Variants in SFXN4 observed in about 807,000 individuals in gnomAD.
SFXN4 encodes sideroflexin 4.
Under a neutral mutation model 54.6 loss-of-function variants are expected in SFXN4, and 48 were observed. The ratio of observed to expected loss-of-function variants is 0.88; its 90% CI spans 0.70 to 1.12. SFXN4 has a LOEUF of 1.12. Among genes scored for constraint, SFXN4 ranks in the 50% most tolerant of loss-of-function variants. The pLI, the probability that SFXN4 is intolerant of heterozygous loss-of-function variation, is 0.00. For synonymous variants in SFXN4, 130 were observed against 145.5 expected, an observed-to-expected ratio of 0.89 and a Z score of 0.77; for missense variants, 383 against 409.2, an observed-to-expected ratio of 0.94 and a Z score of 0.55.
chr10:119,146,428 CGTGTGTGTGTGTGT>C (rs56031432), intron 12 of SFXN4, 75 bp from the exon 13 acceptor site: 10 of 559,546 alleles, frequency 1.8e-5, no homozygotes, highest in Middle Eastern at 3.0e-4. Context: ...TGAATCAGGG[CGTGTGTGTGTGTGT>C]GTGTGTGTGT....
chr10:119,141,072 A>T lies in SFXN4; in HGVS notation c.*170T>A. ...CTGTCTTCTCCAGCCAGCCTTAAAAACCCCAGAGACGCCAGCCTGGGAACG... is the reference window on the plus strand; with the variant it reads ...CTGTCTTCTCCAGCCAGCCTTAAAATCCCCAGAGACGCCAGCCTGGGAACG... On this transcript the variant is annotated 3_prime_UTR_variant, in exon 14 of 14. Transcript: ENST00000355697. 1 of 524,332 alleles carries T rather than the reference A, an allele frequency of 1.9e-6. No homozygotes were observed. The highest frequency in any genetic ancestry group is 2.9e-5 in the South Asian group (1 of 34,238). The allele number at this position is 524,332 out of a possible 1,614,324, so 32.5% of individuals were successfully genotyped here.
At chr10:119,156,136 T>G (rs117330930) in intron 10 of SFXN4, among the ~76,000 whole-genome samples, 2,025 of 152,278 alleles carry the variant, frequency 0.013, 52 homozygotes, top group East Asian at 0.085. Context: ...ATCTTTAAAA[T>G]GTAGGGCCAG....
chr10:119,142,403 CATT>C (rs957340455), intron 13 of SFXN4, among the ~76,000 whole-genome samples: 1 of 152,030 alleles, frequency 6.6e-6, no homozygotes, highest in African/African-American at 2.4e-5. Flanking sequence ...AAGACCTTAT[CATT>C]ATTGATATAG....
chr10:119,148,881 C>T (rs1002782979), intron 11 of SFXN4, among the ~76,000 whole-genome samples: 4 of 151,868 alleles, frequency 2.6e-5, no homozygotes, highest in African/African-American at 9.7e-5. Flanking sequence ...TTTTTTACTA[C>T]TTTCATTTAT....
chr10:119,160,914 C>G lies in SFXN4; in HGVS notation c.334+1G>C. ...ACTTCTGAAAATTAGAACCAACTCA[C>G]CTGCAGGTCGAAAAAGCTTGGGGAT... is the stretch of plus-strand genomic sequence containing the variant. On this transcript the variant is annotated splice_donor_variant, in intron 5 of 13. Coordinates refer to ENST00000355697, the MANE Select transcript of SFXN4 (RefSeq NM_213649.2). LOFTEE classifies it high-confidence loss of function. 6.2e-7 allele frequency: 1 copy of G among 1,614,012 alleles called. No homozygotes were observed. Among genetic ancestry groups the G allele is most frequent in the Non-Finnish European group, 8.5e-7 (1 of 1,179,964 alleles).
In SFXN4 at chr10:119,165,377, G is replaced by A. The variant is rs577751759; in HGVS notation, c.111+160C>T. ...TGCGTCCCCTGCCGCGCCCTAAGGGGTGAAGGCCGGTGGTGCGCGTTCCCG... is the reference window on the plus strand; with the variant it reads ...TGCGTCCCCTGCCGCGCCCTAAGGGATGAAGGCCGGTGGTGCGCGTTCCCG... On this transcript the variant is annotated intron_variant, in intron 1 of 13. Coordinates refer to ENST00000355697, the MANE Select transcript of SFXN4 (RefSeq NM_213649.2). The A allele has an allele frequency of 7.5e-6, 10 of 1,328,642 alleles. No homozygotes were observed. In the Admixed American group the frequency reaches 1.3e-4, roughly 17 times the overall value. The allele number at this position is 1,328,642 out of a possible 1,614,324, so 82.3% of individuals were successfully genotyped here.
At chr10:119,165,257 T>A in intron 1 of SFXN4, 8 of 1,156,902 alleles carry the variant, frequency 6.9e-6, no homozygotes, top group Non-Finnish European at 8.6e-6. Context: ...GCTCAGGCAG[T>A]AGGGAGCAGC....
intron 13 of SFXN4, among the ~76,000 whole-genome samples, chr10:119,141,880 T>C (rs1846539201): frequency 1.3e-5 from 2 of 151,918 alleles, no homozygotes; most frequent in African/African-American, 2.4e-5. Context: ...TAGCTGGGTG[T>C]GGTGGCACAC....
intron 3 of SFXN4, among the ~76,000 whole-genome samples, chr10:119,161,437 C>CAAAAAAAAAAAAAAAAAAAACCCAA (rs1554888747): frequency 8.3e-6 from 1 of 119,836 alleles, no homozygotes; most frequent in Non-Finnish European, 1.7e-5. Flanking sequence ...CAAAAAAAAA[C>CAAAAAAAAAAAAAAAAAAAACCCAA]AAAAAAAAAA....
At chr10:119,159,502 C>G (rs1325485519) in intron 6 of SFXN4, among the ~76,000 whole-genome samples, 1 of 151,766 alleles carries the variant, frequency 6.6e-6, no homozygotes, top group African/African-American at 2.4e-5. Flanking sequence ...AAGCTGTGGG[C>G]CTTCCAGAGG....
At chr10:119,156,635 A>T in intron 10 of SFXN4, 43 bp downstream of exon 10, 1 of 1,473,772 alleles carries the variant, frequency 6.8e-7, no homozygotes, top group Non-Finnish European at 9.4e-7. Context: ...CAGACCACAA[A>T]GACACCCCAC....
chr10:119,162,518 G>T, intron 2 of SFXN4, 104 bp from the exon 3 acceptor site: 1 of 863,420 alleles, frequency 1.2e-6, no homozygotes, highest in South Asian at 1.5e-5. Flanking sequence ...ACTGGACTTC[G>T]ACTGCATGCC....
chr10:119,162,463 G>A, intron 2 of SFXN4, 49 bp from the exon 3 acceptor site: 1 of 1,498,570 alleles, frequency 6.7e-7, no homozygotes, highest in Non-Finnish European at 9.3e-7. Flanking sequence ...CATTGTTCAG[G>A]TTTATCCCCA....
chr10:119,156,790 G>T, intron 9 of SFXN4, 34 bp from the exon 10 acceptor site: 2 of 1,536,082 alleles, frequency 1.3e-6, no homozygotes, highest in East Asian at 4.6e-5. Flanking sequence ...ATTATTTCAT[G>T]GGACTGAAAA....
intron 1 of SFXN4, chr10:119,165,125 G>A (rs1009422671): frequency 1.3e-5 from 10 of 795,388 alleles, no homozygotes; most frequent in Non-Finnish European, 1.5e-5. Context: ...GCTGCAGGGA[G>A]ATAAGTCCTG....
rs3824823 is a variant in SFXN4, at chr10:119,160,612, G to A, written c.334+303C>T. Among the ~76,000 whole-genome samples, 40,942 of 133,982 alleles carry A rather than the reference G, an allele frequency of 0.31. 6,810 individuals carry two copies. Among genetic ancestry groups the A allele is most frequent in the South Asian group, 0.4 (1,729 of 4,302 alleles). 87.9% of individuals were successfully genotyped at this position (133,982 alleles called of 152,430 possible). A position where few individuals can be genotyped will look rare whatever the true frequency, so the allele number is the denominator to read the frequency against. On this transcript the variant is annotated intron_variant, in intron 5 of 13. Coordinates refer to ENST00000355697, the MANE Select transcript of SFXN4 (RefSeq NM_213649.2). The stretch of plus-strand genomic sequence containing the variant: ...TCTTTTTTTTTTTTTTTTTGGACAC[G>A]GAGTTTCACTCTTGTTGCCCAGGCT...
intron 10 of SFXN4, among the ~76,000 whole-genome samples, chr10:119,155,849 G>T (rs902790376): frequency 6.6e-6 from 1 of 152,158 alleles, no homozygotes; most frequent in East Asian, 1.9e-4. Flanking sequence ...ACATCAGTCT[G>T]CCAACTCTTC....
At chr10:119,159,018 G>A (rs950442497) in intron 6 of SFXN4, among the ~76,000 whole-genome samples, 1 of 151,412 alleles carries the variant, frequency 6.6e-6, no homozygotes, top group African/African-American at 2.4e-5. Flanking sequence ...GGTGGCTCAC[G>A]CCTGTAATCC....
At chr10:119,159,039 G>A (rs1267611564) in intron 6 of SFXN4, among the ~76,000 whole-genome samples, 2 of 151,722 alleles carry the variant, frequency 1.3e-5, no homozygotes, top group Non-Finnish European at 1.5e-5. Context: ...CAGCACTTTC[G>A]GAGGCCAAGG....
Sources: allele counts gnomAD v4.1 joint callset (sites outside exome capture counted in the v4.1 genomes callset), GRCh38; gene constraint gnomAD v4.1.1; transcripts MANE v1.5; gene names NCBI Gene and HGNC (gene_info 2026-07-23, HGNC 2026-07-21).